Variants in GNG13 observed in about 807,000 individuals in gnomAD.
The protein encoded by GNG13 is G protein subunit gamma 13, also known as guanine nucleotide-binding protein G(I)/G(S)/G(O) subunit gamma-13.
A neutral mutation model predicts 8.2 loss-of-function variants in GNG13; 12 were observed. The observed-to-expected ratio is 1.47, with a 90% CI of 0.94 to 2.38. The LOEUF is 2.38. GNG13 is among the 30% of genes most tolerant of loss of function. The pLI, the probability that GNG13 is intolerant of heterozygous loss-of-function variation, is 0.00. For synonymous variants in GNG13, 45 were observed against 33.0 expected, an observed-to-expected ratio of 1.37 and a Z score of -1.25; for missense variants, 100 against 85.2, an observed-to-expected ratio of 1.17 and a Z score of -0.68.
At chr16:800,373 C>T (rs1272332732) in intron 1 of GNG13, among the ~76,000 whole-genome samples, 2 of 152,202 alleles carry the variant, frequency 1.3e-5, no homozygotes, top group Admixed American at 6.5e-5. Context: ...CCTACCTTCG[C>T]GCAGCTGCCG....
intron 1 of GNG13, among the ~76,000 whole-genome samples, chr16:799,679 T>C (rs57101767): frequency 0.096 from 14,614 of 152,190 alleles, 1,315 homozygotes; most frequent in African/African-American, 0.23. Flanking sequence ...GGATATGGGC[T>C]GTGGGTGGCC....
In GNG13 at chr16:798,066, A is replaced by G; in HGVS notation, c.*653T>C. 6.7e-7 allele frequency: 1 copy of G among 1,498,456 alleles called. No individual in the cohort carries two copies. 92.8% of individuals were successfully genotyped at this position (1,498,456 alleles called of 1,614,324 possible). On this transcript the variant is annotated 3_prime_UTR_variant, in exon 3 of 3. Coordinates refer to ENST00000248150, the MANE Select transcript of GNG13 (RefSeq NM_016541.3). ...TGTCTTTATAAAGTCACACCTTTAC[A>G]GACTGTAATCACGTGCGAGTGGAGT...
chr16:799,862 C>G (rs1049383506), intron 1 of GNG13, among the ~76,000 whole-genome samples: 5 of 151,856 alleles, frequency 3.3e-5, no homozygotes, highest in Non-Finnish European at 5.9e-5. Context: ...CCCAGGGAGT[C>G]CCTCACTCCG....
chr16:798,395 C>T lies in GNG13; in HGVS notation c.*324G>A, dbSNP rs535351791. 7.4e-6 allele frequency: 3 copies of T among 404,016 alleles called. 1 individual carries two copies. The highest frequency in any genetic ancestry group is 5.4e-5 in the African/African-American group (2 of 36,884). The allele number at this position is 404,016 out of a possible 1,614,324, so 25.0% of individuals were successfully genotyped here. Reference sequence around the variant, plus strand: ...GGCTCACAGGATGGTGGGAGTGGGGCTGGGAGTGGGGCTCACAGGATGGTG... The same window carrying T: ...GGCTCACAGGATGGTGGGAGTGGGGTTGGGAGTGGGGCTCACAGGATGGTG... On this transcript the variant is annotated 3_prime_UTR_variant, in exon 3 of 3. Coordinates refer to ENST00000248150, the MANE Select transcript of GNG13 (RefSeq NM_016541.3).
chr16:798,623 A>T lies in GNG13; in HGVS notation c.*96T>A. On this transcript the variant is annotated 3_prime_UTR_variant, in exon 3 of 3. Transcript: ENST00000248150. ...TGGGGCTGGGAGTGGGACTCACAGG[A>T]TGGAGTGAGTGGGGCTGGGCACAGT... is the stretch of plus-strand genomic sequence containing the variant. The T allele has an allele frequency of 1.2e-6, 1 of 810,314 alleles. No homozygotes were observed. 50.2% of individuals were successfully genotyped at this position (810,314 alleles called of 1,614,324 possible). A position where few individuals can be genotyped will look rare whatever the true frequency, so the allele number is the denominator to read the frequency against.
chr16:798,866 C>T, intron 2 of GNG13, 42 bp from the exon 3 acceptor site: 1 of 1,426,620 alleles, frequency 7.0e-7, no homozygotes, highest in Non-Finnish European at 9.9e-7. Context: ...GCACCTGACC[C>T]CCGAGGGCCT....
At chr16:799,132 C>T (rs1289218306) in intron 1 of GNG13, 21 bp from the exon 2 acceptor site, 2 of 1,064,030 alleles carry the variant, frequency 1.9e-6, no homozygotes, top group African/African-American at 1.6e-5. Flanking sequence ...CAGGAGGAAG[C>T]CACAGGGCCG....
In GNG13 at chr16:798,750, C is replaced by G; in HGVS notation, c.173G>C (p.Trp58Ser). ...LNPDLMKNNPWVEKGKCTIL is the reference protein window; with the variant it reads ...LNPDLMKNNPSVEKGKCTIL ...GATGGTGCATTTGCCCTTTTCCACC[C>G]ATGGGTTGTTCTTCATCAGGTCGGG... Residue 58 changes from tryptophan to serine, a missense_variant, in exon 3 of 3, where the codon TGG becomes TCG. Transcript: ENST00000248150. The G allele has an allele frequency of 6.2e-7, 1 of 1,612,668 alleles. No homozygotes were observed. The highest frequency in any genetic ancestry group is 8.5e-7 in the Non-Finnish European group (1 of 1,179,004).
chr16:799,231 T>A, intron 1 of GNG13, 120 bp from the exon 2 acceptor site: 2 of 624,820 alleles, frequency 3.2e-6, no homozygotes, highest in Non-Finnish European at 5.8e-6. Flanking sequence ...TCCACACCAC[T>A]GCCTGGGCCA....
intron 2 of GNG13, 70 bp from the exon 3 acceptor site, chr16:798,894 T>C: frequency 1.5e-6 from 2 of 1,351,662 alleles, no homozygotes; most frequent in Non-Finnish European, 2.1e-6. Flanking sequence ...CACCTGCCTG[T>C]CGGCGGCGGT....
rs898873435 is a variant in GNG13, at chr16:798,974, A to G, written c.98+6T>C. ...GAGAGGCAAATCAGGCAGGTGGGGC[A>G]CTCACTCGGGGATGGTCTTGGACGC... On this transcript the variant is annotated splice_donor_region_variant and intron_variant, in intron 2 of 2. Transcript: ENST00000248150. The G allele has an allele frequency of 2.6e-6, 4 of 1,553,372 alleles. No individual in the cohort carries two copies. Among genetic ancestry groups the G allele is most frequent in the Non-Finnish European group, 3.6e-6 (4 of 1,125,212 alleles).
Position 798,964 on chromosome 16 carries a change from C to T in GNG13, c.98+16G>A. On this transcript the variant is annotated intron_variant, in intron 2 of 2. Transcript: ENST00000248150. ...GCAGACAAATGAGAGGCAAATCAGG[C>T]AGGTGGGGCACTCACTCGGGGATGG... 5.3e-6 allele frequency: 8 copies of T among 1,516,350 alleles called. No individual in the cohort carries two copies. The highest frequency in any genetic ancestry group is 7.3e-6 in the Non-Finnish European group (8 of 1,091,200). The allele number at this position is 1,516,350 out of a possible 1,614,324, so 93.9% of individuals were successfully genotyped here. A position where few individuals can be genotyped will look rare whatever the true frequency, so the allele number is the denominator to read the frequency against.
chr16:798,481 C>G lies in GNG13; in HGVS notation c.*238G>C. On this transcript the variant is annotated 3_prime_UTR_variant, in exon 3 of 3. Transcript: ENST00000248150. ...GGAGTGGGGCTGGGAGTGGGACTCA[C>G]AGGATGGAGTGAATGGGGCTGGGCA... is the stretch of plus-strand genomic sequence containing the variant. 3.7e-6 allele frequency: 2 copies of G among 535,326 alleles called. No homozygotes were observed. The highest frequency in any genetic ancestry group is 5.3e-5 in the Admixed American group (2 of 38,058). 33.2% of individuals were successfully genotyped at this position (535,326 alleles called of 1,614,324 possible).
rs533579300 is a variant in GNG13 at position 798,765 on chromosome 16, A to G, written c.158T>C (p.Met53Thr). The G allele has an allele frequency of 2.5e-6, 4 of 1,613,338 alleles. No homozygotes were observed. The South Asian group carries it at 3.3e-5, about 13-fold the overall frequency. ...PKDPFLNPDL[M>T]KNNPWVEKGK... ...CTTTTCCACCCATGGGTTGTTCTTCATCAGGTCGGGGTTCAGGAAGGGGTC... is the reference window on the plus strand; with the variant it reads ...CTTTTCCACCCATGGGTTGTTCTTCGTCAGGTCGGGGTTCAGGAAGGGGTC... Residue 53 changes from methionine (M) to threonine (T), a missense_variant, in exon 3 of 3, where the codon ATG (methionine) becomes ACG (threonine). Met to Thr is a moderately conservative substitution (Grantham distance 81). Transcript: ENST00000248150.
In GNG13 at chr16:798,100, C is replaced by T. The variant is rs2042407777; in HGVS notation, c.*619G>A. 5 of 1,339,782 alleles carry T rather than the reference C, an allele frequency of 3.7e-6. No individual in the cohort carries two copies. The Admixed American group carries it at 6.4e-5, about 17-fold the overall frequency. The allele number at this position is 1,339,782 out of a possible 1,614,324, so 83.0% of individuals were successfully genotyped here. A position where few individuals can be genotyped will look rare whatever the true frequency, so the allele number is the denominator to read the frequency against. The stretch of plus-strand genomic sequence containing the variant: ...TCACGTGCGAGTGGAGTGGGGTTCA[C>T]AGGATGGTGGGAGTGGGGCCGGGCG... On this transcript the variant is annotated 3_prime_UTR_variant, in exon 3 of 3. Coordinates refer to ENST00000248150, the MANE Select transcript of GNG13 (RefSeq NM_016541.3).
rs758369455 is a variant in GNG13, at chr16:799,034, C to T, written c.44G>A (p.Ser15Asn). ...CTGGAAGGCCAGCTGGTACTTGAGG[C>T]TCTCCACCTCTTTCTTCATCTGTGG... ...DVPQMKKEVE[S>N]LKYQLAFQRE... Residue 15 changes from serine (S) to asparagine (N), a missense_variant, in exon 2 of 3, where the codon AGC (serine) becomes AAC (asparagine). Coordinates refer to ENST00000248150, the MANE Select transcript of GNG13 (RefSeq NM_016541.3). 4 of 1,611,682 alleles carry T rather than the reference C, an allele frequency of 2.5e-6. No individual in the cohort carries two copies. The highest frequency in any genetic ancestry group is 2.2e-5 in the South Asian group (2 of 91,058).
rs145963733 is a variant in GNG13, at chr16:799,715, C to CCA, written c.-34-606_-34-605dup. On this transcript the variant is annotated intron_variant, in intron 1 of 2. Transcript: ENST00000248150. ...CCTGGGTCCCCAGTGTGTCTGGGAA[C>CCA]CACACACGTTACCTGCGTGCTTTCT... Among the ~76,000 whole-genome samples, 1,478 of 152,230 alleles carry CCA rather than the reference C, an allele frequency of 9.7e-3. 81 individuals carry two copies. In the South Asian group the frequency reaches 0.15, roughly 15 times the overall value.
At chr16:799,875 C>T (rs1016688307) in intron 1 of GNG13, among the ~76,000 whole-genome samples, 2 of 151,316 alleles carry the variant, frequency 1.3e-5, no homozygotes, top group African/African-American at 4.8e-5. Flanking sequence ...TCACTCCGTC[C>T]CAACTCTGGC....
At position 799,117 on chromosome 16, in the gene GNG13, G is replaced by T; in HGVS notation, c.-34-6C>A. The stretch of plus-strand genomic sequence containing the variant: ...CTGAAGCAGCCAGCCTGGGGCTGGA[G>T]GGCACAGGAGGAAGCCACAGGGCCG... On this transcript the variant is annotated splice_region_variant and splice_polypyrimidine_tract_variant and intron_variant, in intron 1 of 2. Transcript: ENST00000248150. 1.6e-6 allele frequency: 2 copies of T among 1,222,008 alleles called. No individual in the cohort carries two copies. The highest frequency in any genetic ancestry group is 1.2e-5 in the South Asian group (1 of 82,964). 75.7% of individuals were successfully genotyped at this position (1,222,008 alleles called of 1,614,324 possible). A position where few individuals can be genotyped will look rare whatever the true frequency, so the allele number is the denominator to read the frequency against.
Sources: allele counts gnomAD v4.1 joint callset (sites outside exome capture counted in the v4.1 genomes callset), GRCh38; gene constraint gnomAD v4.1.1; transcripts MANE v1.5; gene names NCBI Gene and HGNC (gene_info 2026-07-23, HGNC 2026-07-21).